CLVS1: variants seen among roughly 807,000 people sequenced by gnomAD.
The protein encoded by CLVS1 is clavesin 1.
Under a neutral mutation model 33.1 loss-of-function variants are expected in CLVS1, and 10 were observed. The ratio of observed to expected loss-of-function variants is 0.30; its 90% CI spans 0.19 to 0.51. The LOEUF is 0.51. CLVS1 is among the 20% of genes least tolerant of loss of function. CLVS1 has a pLI of 0.97. For missense variants in CLVS1, 343 were observed against 433.4 expected, an observed-to-expected ratio of 0.79 and a Z score of 1.85; for synonymous variants, 163 against 166.1, an observed-to-expected ratio of 0.98 and a Z score of 0.14.
Position 61,232,734 on chromosome 8 carries a change from T to C in CLVS1, c.-151-66943T>C, listed in dbSNP as rs181322313. On this transcript the variant is annotated intron_variant, in intron 2 of 2. Coordinates refer to the CLVS1 transcript ENST00000522621. ...TTGAATATCCTCTGCCTTGGACTTTTTGACCCAGCATCATGCAGTTACCTT... is the reference window on the plus strand; with the variant it reads ...TTGAATATCCTCTGCCTTGGACTTTCTGACCCAGCATCATGCAGTTACCTT... Among the ~76,000 whole-genome samples, 232 of 152,332 alleles carry C rather than the reference T, an allele frequency of 1.5e-3. 3 individuals are homozygous for C. The highest frequency in any genetic ancestry group is 0.014 in the Admixed American group (218 of 15,298).
chr8:61,070,726 G>A (rs1384342830), intron 1 of CLVS1, among the ~76,000 whole-genome samples: 1 of 152,212 alleles, frequency 6.6e-6, no homozygotes, highest in Non-Finnish European at 1.5e-5. Flanking sequence ...TGTAGTCCCA[G>A]TTACTCAGGA....
intron 3 of CLVS1, among the ~76,000 whole-genome samples, chr8:61,452,818 G>A (rs545051159): frequency 2.0e-5 from 3 of 152,126 alleles, no homozygotes; most frequent in Non-Finnish European, 2.9e-5. Context: ...AAAATGTCTA[G>A]GTAGAGGAAA....
At chr8:61,125,353 A>G (rs1278244738) in intron 1 of CLVS1, among the ~76,000 whole-genome samples, 1 of 152,166 alleles carries the variant, frequency 6.6e-6, no homozygotes, top group African/African-American at 2.4e-5. Flanking sequence ...AGAGCAGGAC[A>G]GGTTGTGGGG....
At chr8:61,102,755 T>A (rs1338233971) in intron 1 of CLVS1, among the ~76,000 whole-genome samples, 1 of 151,734 alleles carries the variant, frequency 6.6e-6, no homozygotes, top group East Asian at 1.9e-4. Flanking sequence ...GGGGCAAAAC[T>A]TATGAATATA....
chr8:61,270,650 CTT>C (rs1204632277), intron 2 of CLVS1, among the ~76,000 whole-genome samples: 1 of 152,106 alleles, frequency 6.6e-6, no homozygotes. Context: ...TTCCTGGACT[CTT>C]TTTGGTTGGT....
intron 1 of CLVS1, among the ~76,000 whole-genome samples, chr8:61,085,782 G>C (rs1433684417): frequency 6.6e-6 from 1 of 151,032 alleles, no homozygotes; most frequent in Non-Finnish European, 1.5e-5. Flanking sequence ...AGCACTCTTT[G>C]GGAGGCCGAG....
intron 2 of CLVS1, among the ~76,000 whole-genome samples, chr8:61,366,815 C>A (rs1006346544): frequency 2.6e-5 from 4 of 152,120 alleles, no homozygotes; most frequent in Non-Finnish European, 5.9e-5. Context: ...AGACGTGGCA[C>A]CTGCTCATGG....
chr8:61,070,464 C>CTCA (rs1351652894), intron 1 of CLVS1, among the ~76,000 whole-genome samples: 1 of 152,250 alleles, frequency 6.6e-6, no homozygotes, highest in Non-Finnish European at 1.5e-5. Flanking sequence ...TAAAGCAGCA[C>CTCA]ATTGCCTCAA....
chr8:61,449,919 C>G (rs58325626), intron 3 of CLVS1, among the ~76,000 whole-genome samples: 1,825 of 152,306 alleles, frequency 0.012, 48 homozygotes, highest in African/African-American at 0.042. Context: ...TGTATGACTA[C>G]TTCATCTTTG....
chr8:61,438,453 T>C (rs1415177445), intron 3 of CLVS1, among the ~76,000 whole-genome samples: 1 of 152,220 alleles, frequency 6.6e-6, no homozygotes, highest in Non-Finnish European at 1.5e-5. Context: ...GTTGATTCCA[T>C]GTCTTTGCTA....
chr8:61,121,129 C>T (rs1210219496), intron 1 of CLVS1, among the ~76,000 whole-genome samples: 2 of 151,864 alleles, frequency 1.3e-5, no homozygotes, highest in Admixed American at 6.6e-5. Context: ...GGGAGTGACC[C>T]GATTTTCCAG....
intron 2 of CLVS1, among the ~76,000 whole-genome samples, chr8:61,135,131 C>A (rs1301163412): frequency 3.3e-5 from 5 of 151,136 alleles, no homozygotes; most frequent in Non-Finnish European, 7.4e-5. Context: ...ATCTAGAAAG[C>A]CAAAAAGAGA....
chr8:61,163,487 G>T (rs1201606373), intron 2 of CLVS1, among the ~76,000 whole-genome samples: 2 of 152,166 alleles, frequency 1.3e-5, no homozygotes, highest in East Asian at 3.9e-4. Context: ...ATCTCAGAAA[G>T]CTCTCCCTCC....
intron 2 of CLVS1, among the ~76,000 whole-genome samples, chr8:61,250,020 G>T (rs2129591549): frequency 6.6e-6 from 1 of 152,214 alleles, no homozygotes; most frequent in Non-Finnish European, 1.5e-5. Flanking sequence ...TATTGCCCAG[G>T]TTTTCTTCTA....
intron 3 of CLVS1, among the ~76,000 whole-genome samples, chr8:61,386,452 T>G (rs962326535): frequency 3.3e-5 from 5 of 152,166 alleles, no homozygotes; most frequent in Admixed American, 3.3e-4. Flanking sequence ...ATTTAAACAA[T>G]TAGAATGCAG....
intron 2 of CLVS1, among the ~76,000 whole-genome samples, chr8:61,373,366 T>A (rs920890719): frequency 6.6e-6 from 1 of 152,198 alleles, no homozygotes. Flanking sequence ...ATGAAGTCCA[T>A]AAACCTTTTA....
intron 5 of CLVS1, among the ~76,000 whole-genome samples, chr8:61,481,809 C>T (rs996499292): frequency 3.3e-5 from 5 of 152,222 alleles, no homozygotes; most frequent in African/African-American, 9.6e-5. Context: ...GAAACTTCTG[C>T]AGACTTAAAT....
chr8:61,200,424 A>C (rs1474928440), intron 2 of CLVS1, among the ~76,000 whole-genome samples: 2 of 152,218 alleles, frequency 1.3e-5, no homozygotes, highest in Non-Finnish European at 2.9e-5. Context: ...GCCAGCCTAC[A>C]CTTACCATTA....
chr8:61,287,420 G>C (rs908175075), upstream of CLVS1, among the ~76,000 whole-genome samples: 2 of 151,990 alleles, frequency 1.3e-5, no homozygotes, highest in African/African-American at 4.8e-5. Context: ...GTGGTAATTT[G>C]TATTTACTTT....
Sources: gnomAD v4.1 joint callset for allele counts (sites outside exome capture counted in the v4.1 genomes callset) on GRCh38, gnomAD v4.1.1 for gene constraint, MANE v1.5 for transcripts, NCBI Gene and HGNC (gene_info 2026-07-23, HGNC 2026-07-21) for gene names.